The following ECT2 variants were observed in gnomAD, a reference collection of about 807,000 sequenced individuals.
ECT2 encodes protein ECT2.
In ECT2, 61 loss-of-function variants were observed where a neutral mutation model predicts 116.9. The ratio of observed to expected loss-of-function variants is 0.52; its 90% CI spans 0.42 to 0.65. The LOEUF (loss-of-function observed/expected upper bound fraction) is 0.65. ECT2 is among the 30% of genes least tolerant of loss of function. The pLI, the probability that ECT2 is intolerant of heterozygous loss-of-function variation, is 0.00. For synonymous variants in ECT2, 358 were observed against 346.4 expected (o/e 1.03, Z -0.37); for missense variants, 937 against 1,078.7 (o/e 0.87, Z 1.84).
At chr3:172,828,257 G>A in the ECT2 span, among the ~76,000 whole-genome samples, 5 of 151,956 alleles carry the variant, frequency 3.3e-5, no homozygotes, top group Admixed American at 1.3e-4. Context: ...GTCAGGATTG[G>A]ATGCCTCAGT....
intron 17 of ECT2, among the ~76,000 whole-genome samples, chr3:172,786,054 A>C (rs1559982625): frequency 6.6e-6 from 1 of 152,228 alleles, no homozygotes; most frequent in African/African-American, 2.4e-5. Context: ...AGAAGAGTCA[A>C]CGTGTTAAGT....
intron 13 of ECT2, among the ~76,000 whole-genome samples, chr3:172,771,943 C>T (rs61246658): frequency 0.032 from 4,886 of 152,126 alleles, 283 homozygotes; most frequent in African/African-American, 0.11. Context: ...AATAACTGTT[C>T]GTGTTTTTTG....
chr3:172,794,544 T>C (rs1205547697), intron 18 of ECT2, among the ~76,000 whole-genome samples: 1 of 152,200 alleles, frequency 6.6e-6, no homozygotes, highest in Non-Finnish European at 1.5e-5. Context: ...CCAACTTTGT[T>C]CTTTTTCAAA....
At chr3:172,768,896 T>G (rs1471605775) in intron 12 of ECT2, 111 bp from the exon 13 acceptor site, 2 of 1,239,516 alleles carry the variant, frequency 1.6e-6, no homozygotes, top group African/African-American at 3.1e-5. Flanking sequence ...ATCTGTATGG[T>G]GGTACATTTA....
chr3:172,796,832 A>T (rs2108916144), intron 18 of ECT2, among the ~76,000 whole-genome samples: 2 of 151,852 alleles, frequency 1.3e-5, no homozygotes, highest in East Asian at 1.9e-4. Flanking sequence ...ACGCCCTGCT[A>T]ATTTTTAGTA....
chr3:172,758,852 G>T, intron 5 of ECT2, 128 bp from the exon 6 acceptor site: 5 of 728,388 alleles, frequency 6.9e-6, no homozygotes, highest in Non-Finnish European at 1.1e-5. Context: ...TTGAAAAAAT[G>T]CCAGTAAATC....
chr3:172,767,502 T>A (rs1354208850), intron 12 of ECT2, among the ~76,000 whole-genome samples: 1 of 152,182 alleles, frequency 6.6e-6, no homozygotes, highest in Non-Finnish European at 1.5e-5. Context: ...CATTTAAAAT[T>A]GTTTATCATT....
At chr3:172,753,621 A>G (rs1328426996) in intron 1 of ECT2, among the ~76,000 whole-genome samples, 1 of 152,242 alleles carries the variant, frequency 6.6e-6, no homozygotes, top group Non-Finnish European at 1.5e-5. Context: ...AGAGACATCC[A>G]CAGAGGATGA....
At chr3:172,780,824 G>A (rs1003820776) in intron 14 of ECT2, among the ~76,000 whole-genome samples, 3 of 151,930 alleles carry the variant, frequency 2.0e-5, no homozygotes, top group Non-Finnish European at 2.9e-5. Flanking sequence ...CTTTTCACAT[G>A]GTTATTGGCC....
At chr3:172,784,558 T>C in intron 16 of ECT2, 149 bp from the exon 17 acceptor site, 1 of 587,672 alleles carries the variant, frequency 1.7e-6, no homozygotes. Flanking sequence ...GAAAAATTAT[T>C]CAGCCAAGTA....
downstream of ECT2, among the ~76,000 whole-genome samples, chr3:172,823,480 TA>T (rs1730769702): frequency 6.6e-6 from 1 of 152,180 alleles, no homozygotes; most frequent in Non-Finnish European, 1.5e-5. Flanking sequence ...GGGCTGTAGG[TA>T]AATGTACTCT....
chr3:172,818,897 G>A (rs933370950), intron 24 of ECT2: 9 of 1,102,602 alleles, frequency 8.2e-6, no homozygotes, highest in South Asian at 1.9e-5. Context: ...CACTTATTTG[G>A]TGGGTGGGAA....
intron 18 of ECT2, among the ~76,000 whole-genome samples, chr3:172,791,195 A>G (rs888603051): frequency 6.6e-6 from 1 of 152,218 alleles, no homozygotes; most frequent in African/African-American, 2.4e-5. Context: ...GCTGTCATCC[A>G]TGCTTTGTTG....
intron 1 of ECT2, among the ~76,000 whole-genome samples, chr3:172,751,832 TG>T (rs1715908188): frequency 6.6e-6 from 1 of 152,224 alleles, no homozygotes; most frequent in Admixed American, 6.5e-5. Flanking sequence ...TAAAGGCTTC[TG>T]GAATACAGTA....
chr3:172,754,707 T>C (rs1269020305), intron 2 of ECT2, 47 bp downstream of exon 2: 1 of 1,425,394 alleles, frequency 7.0e-7, no homozygotes, highest in African/African-American at 1.4e-5. Flanking sequence ...ATTTTAATTC[T>C]AAACTTATTA....
chr3:172,806,109 G>A (rs1041819730), intron 21 of ECT2: 20 of 335,454 alleles, frequency 6.0e-5, no homozygotes, highest in African/African-American at 3.5e-4. Context: ...TCTGTTAAAG[G>A]TCAAAGAGCT....
At chr3:172,791,327 C>T (rs1194387592) in intron 18 of ECT2, among the ~76,000 whole-genome samples, 3 of 152,128 alleles carry the variant, frequency 2.0e-5, no homozygotes, top group Non-Finnish European at 2.9e-5. Context: ...TAGCCCCTAA[C>T]GAAAGAGTCA....
At chr3:172,793,218 T>C (rs1724993639) in intron 18 of ECT2, among the ~76,000 whole-genome samples, 1 of 151,470 alleles carries the variant, frequency 6.6e-6, no homozygotes, top group Non-Finnish European at 1.5e-5. Flanking sequence ...CAGGCTACAG[T>C]GCAGTAGTGC....
At chr3:172,794,413 G>C (rs528885727) in intron 18 of ECT2, among the ~76,000 whole-genome samples, 26 of 152,246 alleles carry the variant, frequency 1.7e-4, no homozygotes, top group African/African-American at 5.5e-4. Flanking sequence ...GACCATAAAT[G>C]TAATGGTTTA....
Sources: allele counts gnomAD v4.1 joint callset (sites outside exome capture counted in the v4.1 genomes callset), GRCh38; gene constraint gnomAD v4.1.1; transcripts MANE v1.5; gene names NCBI Gene and HGNC (gene_info 2026-07-23, HGNC 2026-07-21).